PHTF2: variants seen among roughly 807,000 people sequenced by gnomAD.
The protein encoded by PHTF2 is protein PHTF2.
A neutral mutation model predicts 101.2 loss-of-function variants in PHTF2; 60 were observed. The ratio of observed to expected loss-of-function variants is 0.59; its 90% CI spans 0.48 to 0.73. The LOEUF is 0.73. PHTF2 is among the 30% of genes least tolerant of loss of function. The pLI is 0.00. For synonymous variants in PHTF2, 311 were observed against 307.3 expected (o/e 1.01, Z -0.13); for missense variants, 747 against 908.7 (o/e 0.82, Z 2.29).
At chr7:77,920,704 C>T (rs190409619) in intron 10 of PHTF2, among the ~76,000 whole-genome samples, 3 of 152,130 alleles carry the variant, frequency 2.0e-5, no homozygotes, top group South Asian at 2.1e-4. Context: ...TTTTTTGAGA[C>T]GGGGTCTTAC....
At chr7:77,844,819 C>T (rs529253607) in intron 2 of PHTF2, among the ~76,000 whole-genome samples, 21 of 152,326 alleles carry the variant, frequency 1.4e-4, no homozygotes, top group African/African-American at 4.8e-4. Context: ...GCCATTGCAC[C>T]CGGCCTAAAT....
chr7:77,871,257 G>A (rs766352564), intron 3 of PHTF2, among the ~76,000 whole-genome samples: 14 of 152,102 alleles, frequency 9.2e-5, no homozygotes, highest in East Asian at 1.9e-4. Context: ...ATTAAGAGAC[G>A]CCTTAATGGA....
chr7:77,865,654 T>C (rs1193464743), intron 3 of PHTF2, among the ~76,000 whole-genome samples: 1 of 152,162 alleles, frequency 6.6e-6, no homozygotes, highest in African/African-American at 2.4e-5. Context: ...AGAATCATTA[T>C]CTTTATATCG....
chr7:77,859,494 A>T lies in PHTF2; in HGVS notation c.147+4660A>T, dbSNP rs186007177. ...TCGAACACCTAGGTCCTCTTTTTTT[A>T]AAAAAAATTTTTCATTCCTTAAAGA... On this transcript the variant is annotated intron_variant, in intron 3 of 19. Coordinates refer to ENST00000416283, the Ensembl canonical transcript of PHTF2. Among the ~76,000 whole-genome samples, 900 of 151,888 alleles carry T rather than the reference A, an allele frequency of 5.9e-3. 4 individuals carry two copies. Among genetic ancestry groups the T allele is most frequent in the African/African-American group, 0.02 (830 of 41,434 alleles).
At chr7:77,840,413 TTTTTC>T (rs1375580778) in intron 2 of PHTF2, 113 bp downstream of exon 2, 1 of 659,084 alleles carries the variant, frequency 1.5e-6, no homozygotes, top group Non-Finnish European at 2.6e-6. Context: ...ATTATTTTTA[TTTTTC>T]TTGTACTTAT....
chr7:77,874,778 G>C (rs2471584), intron 3 of PHTF2, among the ~76,000 whole-genome samples: 87,843 of 152,120 alleles, frequency 0.58, 27,132 homozygotes, highest in African/African-American at 0.81. Context: ...CAAGTTGACA[G>C]TCAGTATTAA....
At chr7:77,804,835 A>G (rs576848469) in intron 1 of PHTF2, among the ~76,000 whole-genome samples, 1 of 152,294 alleles carries the variant, frequency 6.6e-6, no homozygotes, top group South Asian at 2.1e-4. Flanking sequence ...ATTGTCCCCA[A>G]ATTATTGTCA....
rs34376513 is a variant in PHTF2, at chr7:77,915,979, C to CTGTGTGTG, written c.777-4276_777-4269dup. ...AATATCAGAAGGTAGATTTGTGTGT[C>CTGTGTGTG]TGTGTGTGTGTGTGTGTGTGTGTGT... On this transcript the variant is annotated intron_variant, in intron 9 of 19. Coordinates refer to ENST00000416283, the Ensembl canonical transcript of PHTF2. 2.4e-3 allele frequency among the ~76,000 whole-genome samples: 361 copies of CTGTGTGTG among 147,914 alleles called. 1 individual carries two copies. Among genetic ancestry groups the CTGTGTGTG allele is most frequent in the South Asian group, 0.018 (82 of 4,634 alleles).
intron 16 of PHTF2, among the ~76,000 whole-genome samples, chr7:77,948,130 A>G (rs1345462682): frequency 6.6e-6 from 1 of 151,956 alleles, no homozygotes; most frequent in South Asian, 2.1e-4. Flanking sequence ...GTGAGCCACT[A>G]TGCCTGGCCT....
At chr7:77,862,012 G>A (rs1019944526) in intron 3 of PHTF2, among the ~76,000 whole-genome samples, 3 of 150,694 alleles carry the variant, frequency 2.0e-5, no homozygotes, top group Admixed American at 6.6e-5. Context: ...AGCCAAGATC[G>A]TGCCATTGCA....
Position 77,942,352 on chromosome 7 carries a change from C to T in PHTF2, c.1873-348C>T, listed in dbSNP as rs1805700254. 2.6e-5 allele frequency among the ~76,000 whole-genome samples: 4 copies of T among 152,174 alleles called. No homozygotes were observed. In the South Asian group the frequency reaches 8.3e-4, roughly 31 times the overall value. ...GAAGGTAGAGGGACCATGTGTTGTT[C>T]TCTGTTGTATTTGTAGCACCCAGCA... is the stretch of plus-strand genomic sequence containing the variant. On this transcript the variant is annotated intron_variant, in intron 15 of 19. Transcript: ENST00000416283.
chr7:77,934,833 C>T (rs1455893642), intron 12 of PHTF2, among the ~76,000 whole-genome samples: 1 of 152,038 alleles, frequency 6.6e-6, no homozygotes, highest in South Asian at 2.1e-4. Flanking sequence ...GTGGCAGGCA[C>T]CTGTAATCCC....
Position 77,856,956 on chromosome 7 carries a change from CT to C in PHTF2, c.147+2124del, listed in dbSNP as rs1389587621. 7.2e-5 allele frequency among the ~76,000 whole-genome samples: 11 copies of C among 152,198 alleles called. No individual in the cohort carries two copies. The East Asian group carries it at 2.1e-3, about 29-fold the overall frequency. Reference sequence around the variant, plus strand: ...AATAATAATAGTAATTATCTTATGACTTGCAATATAACAGATGACAAATTAG... The same window carrying C: ...AATAATAATAGTAATTATCTTATGACTGCAATATAACAGATGACAAATTAG... On this transcript the variant is annotated intron_variant, in intron 3 of 19. Transcript: ENST00000416283.
intron 1 of PHTF2, among the ~76,000 whole-genome samples, chr7:77,839,095 T>C (rs1795682427): frequency 6.6e-6 from 1 of 152,180 alleles, no homozygotes; most frequent in African/African-American, 2.4e-5. Context: ...GGCAAACTAG[T>C]GGTAGCGTTT....
chr7:77,839,376 T>G (rs1208311758), intron 1 of PHTF2, among the ~76,000 whole-genome samples: 1 of 152,228 alleles, frequency 6.6e-6, no homozygotes, highest in African/African-American at 2.4e-5. Context: ...TCATTAAGTT[T>G]AGTACCTATC....
chr7:77,920,657 C>G (rs937064676), intron 10 of PHTF2, among the ~76,000 whole-genome samples, 192 bp downstream of exon 9: 41 of 152,054 alleles, frequency 2.7e-4, no homozygotes, highest in African/African-American at 9.7e-4. Context: ...TAATCTGACA[C>G]CTTCTGAATT....
At chr7:77,897,275 AC>A (rs1800955319) in intron 5 of PHTF2, among the ~76,000 whole-genome samples, 1 of 146,008 alleles carries the variant, frequency 6.8e-6, no homozygotes, top group Admixed American at 7.0e-5. Flanking sequence ...CACTTTCTAA[AC>A]TTAAACAGCC....
intron 9 of PHTF2, among the ~76,000 whole-genome samples, chr7:77,912,805 T>TC (rs1417883256): frequency 7.7e-6 from 1 of 129,604 alleles, no homozygotes; most frequent in Non-Finnish European, 1.6e-5. Flanking sequence ...TGATCATGGC[T>TC]CCCTGAAGCC....
intron 3 of PHTF2, among the ~76,000 whole-genome samples, chr7:77,890,006 A>T (rs1800234638): frequency 1.4e-5 from 2 of 141,802 alleles, no homozygotes; most frequent in African/African-American, 5.6e-5. Context: ...TATCTAGTTT[A>T]AAAAAATTAA....
Sources: gnomAD v4.1 joint callset for allele counts (sites outside exome capture counted in the v4.1 genomes callset) on GRCh38, gnomAD v4.1.1 for gene constraint, MANE v1.5 for transcripts, NCBI Gene and HGNC (gene_info 2026-07-23, HGNC 2026-07-21) for gene names.